Variants in RASGRF1 observed in about 807,000 individuals in gnomAD.
RASGRF1 encodes the protein ras-specific guanine nucleotide-releasing factor 1.
Under a neutral mutation model 138.7 loss-of-function variants are expected in RASGRF1, and 40 were observed. The ratio of observed to expected loss-of-function variants is 0.29; its 90% confidence interval spans 0.22 to 0.38. The LOEUF (loss-of-function observed/expected upper bound fraction) is 0.38, where lower values mean the gene tolerates loss of function less well. Among genes scored for constraint, RASGRF1 ranks in the 10% least tolerant of loss-of-function variants. RASGRF1 has a pLI of 1.00. For missense variants in RASGRF1, 1,108 were observed against 1,650.4 expected (o/e 0.67, Z 5.69); for synonymous variants, 614 against 663.2 (o/e 0.93, Z 1.14).
intron 1 of RASGRF1, among the ~76,000 whole-genome samples, chr15:79,086,725 A>T (rs2057985652): frequency 6.6e-6 from 1 of 152,082 alleles, no homozygotes; most frequent in African/African-American, 2.4e-5. Flanking sequence ...GAGTGAAAGG[A>T]GTGCTGGAGT....
chr15:79,078,239 GC>G (rs775674069), intron 1 of RASGRF1, among the ~76,000 whole-genome samples: 1 of 150,950 alleles, frequency 6.6e-6, no homozygotes, highest in African/African-American at 2.4e-5. Flanking sequence ...ACCCATATAG[GC>G]CCCCCCGGCC....
Position 79,058,573 on chromosome 15 carries a change from C to G in RASGRF1, c.384-92G>C, listed in dbSNP as rs538230613. 10 of 1,495,482 alleles carry G rather than the reference C, an allele frequency of 6.7e-6. No homozygotes were observed. The East Asian group carries it at 2.1e-4, about 31-fold the overall frequency. The allele number at this position is 1,495,482 out of a possible 1,614,324, so 92.6% of individuals were successfully genotyped here. On this transcript the variant is annotated intron_variant, in intron 2 of 26. Transcript: ENST00000558480. ...CTGACCGGGAGAGGGGCTCACCCACCCACCTGCACTTAGCAGAAGGCCCTG... is the reference window on the plus strand; with the variant it reads ...CTGACCGGGAGAGGGGCTCACCCACGCACCTGCACTTAGCAGAAGGCCCTG...
Position 78,990,219 on chromosome 15 carries a change from A to G in RASGRF1, c.3186T>C (p.Tyr1062=). The G allele has an allele frequency of 6.2e-7, 1 of 1,609,760 alleles. No homozygotes were observed. Among genetic ancestry groups the G allele is most frequent in the Non-Finnish European group, 8.5e-7 (1 of 1,175,972 alleles). The change falls in exon 22 of 27, where the codon TAT becomes TAC. Residue 1062 remains tyrosine, a synonymous_variant. Transcript: ENST00000558480. ...MKLEKNERTP[Y]IMKTTKHFND... The stretch of plus-strand genomic sequence containing the variant: ...TGAAGTGCTTAGTGGTTTTCATGAT[A>G]TAAGGGGTCCTTTCATTCTTTTCCA...
chr15:79,021,934 C>T (rs1452398937), intron 10 of RASGRF1, among the ~76,000 whole-genome samples: 1 of 152,198 alleles, frequency 6.6e-6, no homozygotes, highest in Non-Finnish European at 1.5e-5. Context: ...ATCCAGTGAG[C>T]ACTGAGCGTG....
intron 23 of RASGRF1, among the ~76,000 whole-genome samples, chr15:78,984,182 C>T (rs982734829): frequency 5.9e-5 from 9 of 152,274 alleles, no homozygotes; most frequent in African/African-American, 2.2e-4. Flanking sequence ...CCACTGGGTC[C>T]CACACAGCCC....
chr15:79,040,511 A>G (rs546389663), intron 5 of RASGRF1, among the ~76,000 whole-genome samples: 110 of 152,206 alleles, frequency 7.2e-4, no homozygotes, highest in African/African-American at 2.5e-3. Flanking sequence ...CCTCTTCCCT[A>G]TGCCCTCTTA....
chr15:78,968,414 G>A (rs922927671), intron 26 of RASGRF1, among the ~76,000 whole-genome samples: 3 of 151,950 alleles, frequency 2.0e-5, no homozygotes, highest in African/African-American at 7.3e-5. Flanking sequence ...TGTGACTACA[G>A]GCGTGCACCA....
intron 1 of RASGRF1, among the ~76,000 whole-genome samples, chr15:79,077,974 C>T (rs1049836141): frequency 1.3e-5 from 2 of 152,160 alleles, no homozygotes; most frequent in African/African-American, 4.8e-5. Context: ...CCAGGTCCCA[C>T]TCTGCTGCTC....
chr15:79,040,358 T>C (rs1205834520), intron 5 of RASGRF1, among the ~76,000 whole-genome samples: 2 of 152,216 alleles, frequency 1.3e-5, no homozygotes, highest in South Asian at 2.1e-4. Flanking sequence ...AACTGGTCTT[T>C]TGCTTCCACT....
chr15:78,964,976 C>T lies in RASGRF1; in HGVS notation c.3682-2740G>A, dbSNP rs149553927. On this transcript the variant is annotated intron_variant, in intron 26 of 26. Coordinates refer to ENST00000558480, the MANE Select transcript of RASGRF1 (RefSeq NM_001145648.3). Reference sequence around the variant, plus strand: ...CAGGTGATCCACCCTCCTCGGCCTCCCAAAGTGCTGTGATTACAAGCATGA... The same window carrying T: ...CAGGTGATCCACCCTCCTCGGCCTCTCAAAGTGCTGTGATTACAAGCATGA... 1.3e-3 allele frequency among the ~76,000 whole-genome samples: 196 copies of T among 152,212 alleles called. 2 individuals are homozygous for T. The South Asian group carries it at 0.018, about 14-fold the overall frequency.
intron 26 of RASGRF1, among the ~76,000 whole-genome samples, 186 bp from the exon 27 acceptor site, chr15:78,962,422 G>T (rs1027237110): frequency 5.3e-5 from 8 of 152,166 alleles, no homozygotes; most frequent in African/African-American, 1.7e-4. Flanking sequence ...CGTAAGTATT[G>T]TCTTAGGATT....
At chr15:79,033,581 C>CTTTTTTTTTTTTTTTTTTTTT in intron 6 of RASGRF1, among the ~76,000 whole-genome samples, 1 of 93,978 alleles carries the variant, frequency 1.1e-5, no homozygotes, top group Non-Finnish European at 1.9e-5. Flanking sequence ...TTTTTCTTTT[C>CTTTTTTTTTTTTTTTTTTTTT]TTTTTTTTTT....
At chr15:79,043,178 A>G (rs1396294160) in intron 5 of RASGRF1, among the ~76,000 whole-genome samples, 1 of 152,200 alleles carries the variant, frequency 6.6e-6, no homozygotes, top group Non-Finnish European at 1.5e-5. Context: ...CTGATTTTCA[A>G]TGTTGAACCA....
intron 3 of RASGRF1, among the ~76,000 whole-genome samples, chr15:79,052,958 C>CATTGCAAAAA (rs2057452874): frequency 6.6e-6 from 1 of 152,134 alleles, no homozygotes; most frequent in Non-Finnish European, 1.5e-5. Flanking sequence ...GGTTCCACAT[C>CATTGCAAAAA]AAAGTGTGTT....
At chr15:79,040,775 T>C (rs769861739) in intron 5 of RASGRF1, among the ~76,000 whole-genome samples, 3 of 152,234 alleles carry the variant, frequency 2.0e-5, no homozygotes, top group Non-Finnish European at 4.4e-5. Flanking sequence ...ATAAAAATGA[T>C]TGATTCTTTT....
Position 79,035,176 on chromosome 15 carries a change from G to C in RASGRF1, c.913C>G (p.Gln305Glu). ...TIMFLHQIFY[Q>E]GLKARISSWP... ...CTGGAGATGCGGGCCTTCAGGCCTT[G>C]GTAAAAGATCTGATGTAAAAACATG... is the stretch of plus-strand genomic sequence containing the variant. The change falls in exon 6 of 27, where the codon CAA becomes GAA. Residue 305 changes from glutamine (Q) to glutamate (E), a missense_variant. Physicochemically the swap from Gln to Glu is conservative, Grantham distance 29. This residue lies in a region of RASGRF1 where 169 missense variants were observed against 344.2 expected (regional missense o/e 0.49). Coordinates refer to ENST00000558480, the MANE Select transcript of RASGRF1 (RefSeq NM_001145648.3). The C allele has an allele frequency of 6.2e-7, 1 of 1,613,774 alleles. No individual in the cohort carries two copies.
Position 79,004,072 on chromosome 15 carries a change from G to C in RASGRF1, c.2179C>G (p.Leu727Val), listed in dbSNP as rs1197182313. The C allele has an allele frequency of 6.2e-7, 1 of 1,614,176 alleles. No individual in the cohort carries two copies. Among genetic ancestry groups the C allele is most frequent in the Non-Finnish European group, 8.5e-7 (1 of 1,180,034 alleles). ...GGTGACGATGTCTTGGTGATGGACA[G>C]AGGTGGCGGCGAGGAGAACTTGCGG... ...ATRKFSSPPP[L>V]SITKTSSPSR... Residue 727 changes from leucine (L) to valine (V), a missense_variant, in exon 15 of 27, where the codon CTG (leucine) becomes GTG (valine). Coordinates refer to ENST00000558480, the MANE Select transcript of RASGRF1 (RefSeq NM_001145648.3).
chr15:79,070,781 C>A (rs1480022879), intron 1 of RASGRF1, among the ~76,000 whole-genome samples: 3 of 152,210 alleles, frequency 2.0e-5, no homozygotes, highest in Non-Finnish European at 4.4e-5. Flanking sequence ...CCTTGGCAAG[C>A]TTGGGTGCCT....
At chr15:79,084,259 A>G (rs755362) in intron 1 of RASGRF1, among the ~76,000 whole-genome samples, 65,647 of 152,100 alleles carry the variant, frequency 0.43, 14,442 homozygotes, top group East Asian at 0.5. Context: ...GGCAAATACT[A>G]TGAAGGAGGA....
Sources: allele counts gnomAD v4.1 joint callset (sites outside exome capture counted in the v4.1 genomes callset), GRCh38; gene constraint gnomAD v4.1.1; regional missense constraint gnomAD v4.1.1; transcripts MANE v1.5; gene names NCBI Gene and HGNC (gene_info 2026-07-23, HGNC 2026-07-21).